ULK4: variants seen among roughly 807,000 people sequenced by gnomAD.
ULK4 encodes inactive serine/threonine-protein kinase ULK4.
Under a neutral mutation model 160.6 loss-of-function variants are expected in ULK4, and 133 were observed. That is an observed-to-expected ratio of 0.83 (90% CI 0.72 to 0.96). ULK4 has a LOEUF of 0.96. ULK4 is among the 40% of genes least tolerant of loss of function. The probability of loss-of-function intolerance (pLI) is 0.00; values close to 1 mark genes in which losing one functional copy is unlikely to be tolerated. For synonymous variants in ULK4, 534 were observed against 539.8 expected (o/e 0.99, Z 0.15); for missense variants, 1,580 against 1,499.5 (o/e 1.05, Z -0.89).
chr3:41,491,312 G>GA (rs2084753491), intron 32 of ULK4, among the ~76,000 whole-genome samples: 1 of 127,978 alleles, frequency 7.8e-6, no homozygotes, highest in Admixed American at 7.7e-5. Flanking sequence ...AGTTGTTTTG[G>GA]AAAAAATAAA....
At chr3:41,652,005 G>C (rs1276118593) in intron 30 of ULK4, among the ~76,000 whole-genome samples, 2 of 152,074 alleles carry the variant, frequency 1.3e-5, no homozygotes, top group East Asian at 3.9e-4. Flanking sequence ...ACTATAATAA[G>C]CAAGCCCCCA....
chr3:41,572,625 T>A (rs2643980), intron 31 of ULK4, among the ~76,000 whole-genome samples: 84,725 of 150,378 alleles, frequency 0.56, 26,484 homozygotes, highest in Admixed American at 0.7. Context: ...AATTGGCCCG[T>A]CATGGTGGCG....
At chr3:41,289,807 TTATGTATGTATGTATGTATGTATG>T (rs34876578) in intron 35 of ULK4, among the ~76,000 whole-genome samples, 12 of 147,772 alleles carry the variant, frequency 8.1e-5, no homozygotes, top group East Asian at 2.0e-4. Flanking sequence ...TTAGGTCAAC[TTATGTATGTATGTATGTATGTATG>T]TATGTATGTA....
intron 22 of ULK4, among the ~76,000 whole-genome samples, chr3:41,747,208 T>C (rs922567822): frequency 5.3e-5 from 8 of 151,906 alleles, no homozygotes; most frequent in Non-Finnish European, 1.0e-4. Context: ...TAAGATAAGA[T>C]GACAAGCTAC....
At chr3:41,553,448 C>T (rs191817942) in intron 32 of ULK4, among the ~76,000 whole-genome samples, 34 of 152,146 alleles carry the variant, frequency 2.2e-4, no homozygotes, top group Non-Finnish European at 4.3e-4. Context: ...ATAGACACTT[C>T]TCAAAAGAAG....
At position 41,444,960 on chromosome 3, in the gene ULK4, A is replaced by G. The variant is rs185649307; in HGVS notation, c.3492+10537T>C. ...CCCTGTTTGAAGATGACATGATTGT[A>G]TATCTAGAAAACCCCATTGTCTCAG... On this transcript the variant is annotated intron_variant, in intron 34 of 36. Coordinates refer to ENST00000301831, the MANE Select transcript of ULK4 (RefSeq NM_017886.4). 3.3e-3 allele frequency among the ~76,000 whole-genome samples: 498 copies of G among 152,304 alleles called. 4 individuals are homozygous for G. The highest frequency in any genetic ancestry group is 0.011 in the African/African-American group (461 of 41,574).
chr3:41,831,912 G>C (rs2041603589), intron 18 of ULK4, among the ~76,000 whole-genome samples: 1 of 152,092 alleles, frequency 6.6e-6, no homozygotes, highest in African/African-American at 2.4e-5. Context: ...GTATTCCATG[G>C]TGTATATGTG....
chr3:41,592,716 TTTTA>T (rs2031436392), intron 31 of ULK4, among the ~76,000 whole-genome samples: 2 of 152,278 alleles, frequency 1.3e-5, no homozygotes, highest in South Asian at 4.1e-4. Context: ...AATTAATGTG[TTTTA>T]TTTATCTGTA....
intron 21 of ULK4, among the ~76,000 whole-genome samples, chr3:41,764,178 C>T (rs9854838): frequency 6.6e-6 from 1 of 151,926 alleles, no homozygotes; most frequent in Non-Finnish European, 1.5e-5. Flanking sequence ...TAATCTTACA[C>T]GTGATTTAGC....
chr3:41,888,862 C>A (rs1214254006), intron 16 of ULK4, among the ~76,000 whole-genome samples: 1 of 152,176 alleles, frequency 6.6e-6, no homozygotes, highest in Non-Finnish European at 1.5e-5. Context: ...GATCTTCAGC[C>A]AGCTGGAATT....
intron 34 of ULK4, among the ~76,000 whole-genome samples, chr3:41,427,159 C>A (rs2082795224): frequency 1.3e-5 from 2 of 152,236 alleles, no homozygotes; most frequent in South Asian, 2.1e-4. Flanking sequence ...ACTAGAGAAT[C>A]TAGAAGAAAT....
chr3:41,767,531 G>A (rs541473684), intron 21 of ULK4, among the ~76,000 whole-genome samples: 2 of 151,904 alleles, frequency 1.3e-5, no homozygotes, highest in Admixed American at 6.6e-5. Flanking sequence ...TCCCAAATAC[G>A]CACTTCTCCT....
At chr3:41,700,794 C>G (rs1003339863) in intron 27 of ULK4, among the ~76,000 whole-genome samples, 10 of 152,114 alleles carry the variant, frequency 6.6e-5, no homozygotes, top group African/African-American at 2.4e-4. Context: ...ACCACATATA[C>G]TGTAGAACTA....
chr3:41,494,326 A>T lies in ULK4; in HGVS notation c.3227-31073T>A, dbSNP rs1043984142. 2.5e-3 allele frequency among the ~76,000 whole-genome samples: 307 copies of T among 122,820 alleles called. 10 individuals carry two copies. The East Asian group carries it at 0.06, about 24-fold the overall frequency. The allele number at this position is 122,820 out of a possible 152,430, so 80.6% of individuals were successfully genotyped here. A position where few individuals can be genotyped will look rare whatever the true frequency, so the allele number is the denominator to read the frequency against. On this transcript the variant is annotated intron_variant, in intron 32 of 36. Transcript: ENST00000301831. Reference sequence around the variant, plus strand: ...GCATATAAACAGAACCAAAGACAAAAACCACATGATTATCTCAATAGATGC... The same window carrying T: ...GCATATAAACAGAACCAAAGACAAATACCACATGATTATCTCAATAGATGC...
intron 21 of ULK4, among the ~76,000 whole-genome samples, chr3:41,773,885 T>C (rs1477086186): frequency 6.6e-6 from 1 of 152,086 alleles, no homozygotes; most frequent in East Asian, 1.9e-4. Flanking sequence ...TATAGACCAA[T>C]GGAACAGAAC....
chr3:41,566,505 T>C lies in ULK4; in HGVS notation c.3121-375A>G, dbSNP rs769853967. Among the ~76,000 whole-genome samples, 141 of 152,258 alleles carry C rather than the reference T, an allele frequency of 9.3e-4. 2 individuals carry two copies. The highest frequency in any genetic ancestry group is 9.8e-4 in the Admixed American group (15 of 15,292). On this transcript the variant is annotated intron_variant, in intron 31 of 36. Transcript: ENST00000301831. ...GAAAACTACTTCAAGCAAATATTTA[T>C]GCAGTTTCAATATTATGCTGGTACT...
intron 35 of ULK4, among the ~76,000 whole-genome samples, chr3:41,348,463 A>G (rs2080848460): frequency 1.3e-5 from 2 of 152,204 alleles, no homozygotes; most frequent in South Asian, 4.1e-4. Context: ...ACAACTCTAG[A>G]ATGCCCCTAT....
chr3:41,615,527 C>A, intron 31 of ULK4, 142 bp downstream of exon 31: 1 of 694,514 alleles, frequency 1.4e-6, no homozygotes, highest in Middle Eastern at 3.3e-4. Context: ...AAGCTGAAGT[C>A]CAAGGAGGTT....
rs564703696 is a variant in ULK4 at position 41,253,375 on chromosome 3, G to A, written c.3679-3801C>T. Reference sequence around the variant, plus strand: ...AGACAGCTGGAACATAATAAGATGGGGGAGAGCAAAGGAACCTATATGGTA... The same window carrying A: ...AGACAGCTGGAACATAATAAGATGGAGGAGAGCAAAGGAACCTATATGGTA... On this transcript the variant is annotated intron_variant, in intron 35 of 36. Transcript: ENST00000301831. Among the ~76,000 whole-genome samples the A allele has an allele frequency of 2.2e-4, 33 of 151,928 alleles. 1 individual carries two copies. The South Asian group carries it at 6.7e-3, about 31-fold the overall frequency.
Sources: allele counts gnomAD v4.1 joint callset (sites outside exome capture counted in the v4.1 genomes callset), GRCh38; gene constraint gnomAD v4.1.1; transcripts MANE v1.5; gene names NCBI Gene and HGNC (gene_info 2026-07-23, HGNC 2026-07-21).